Variants in KCND3 observed in about 807,000 individuals in gnomAD.
The protein encoded by KCND3 is potassium voltage-gated channel subfamily D member 3, also known as A-type voltage-gated potassium channel KCND3.
KCND3 carries 9 observed loss-of-function variants against 51.1 expected under a neutral mutation model. The ratio of observed to expected loss-of-function variants is 0.18; its 90% confidence interval spans 0.11 to 0.31. The LOEUF is 0.31. Among genes scored for constraint, KCND3 ranks in the 10% least tolerant of loss-of-function variants. KCND3 has a pLI of 1.00. For synonymous variants in KCND3, 349 were observed against 368.0 expected, an observed-to-expected ratio of 0.95 and a Z score of 0.59; for missense variants, 526 against 903.8, an observed-to-expected ratio of 0.58 and a Z score of 5.36.
intron 1 of KCND3, among the ~76,000 whole-genome samples, chr1:111,985,356 G>T (rs1034056433): frequency 5.3e-5 from 8 of 152,228 alleles, no homozygotes; most frequent in Non-Finnish European, 8.8e-5. Flanking sequence ...ATTGTCTAAA[G>T]GATGTAATAA....
At chr1:111,850,075 G>A (rs545101695) in intron 2 of KCND3, among the ~76,000 whole-genome samples, 50 of 152,156 alleles carry the variant, frequency 3.3e-4, no homozygotes, top group Admixed American at 7.8e-4. Context: ...ACATCTCACC[G>A]CGCTCCTTCC....
At chr1:111,885,759 G>A (rs1293924799) in intron 2 of KCND3, among the ~76,000 whole-genome samples, 2 of 151,830 alleles carry the variant, frequency 1.3e-5, no homozygotes, top group African/African-American at 2.4e-5. Flanking sequence ...TGCAACCTCC[G>A]CCTTCTGGTT....
At chr1:111,839,573 G>A (rs975228599) in intron 2 of KCND3, among the ~76,000 whole-genome samples, 5 of 152,246 alleles carry the variant, frequency 3.3e-5, no homozygotes, top group Non-Finnish European at 7.3e-5. Flanking sequence ...TTAAGGGTTT[G>A]ATAGTCAGAA....
In KCND3 at chr1:111,780,739, T is replaced by C. The variant is rs1355970537; in HGVS notation, c.1322A>G (p.Tyr441Cys). 6.2e-7 allele frequency: 1 copy of C among 1,613,466 alleles called. No individual in the cohort carries two copies. Among genetic ancestry groups the C allele is most frequent in the South Asian group, 1.1e-5 (1 of 90,656 alleles). The stretch of plus-strand genomic sequence containing the variant: ...GAGCCCGTTGCGCTTGCTGTGCAGG[T>C]ATGCATTCGAACTGCCTGTTTTGGC... ...RVAKTGSSNA[Y>C]LHSKRNGLLN... Residue 441 changes from tyrosine to cysteine, a missense_variant, in exon 4 of 8, where the codon TAC (tyrosine) becomes TGC (cysteine). By Grantham distance (194) the Tyr-to-Cys change is radical. Around this residue, in one of 5 missense-constraint regions of KCND3, gnomAD observed 266 missense variants for 305.5 expected, o/e 0.87. Transcript: ENST00000302127. This position sits in a 1 kb window ranked among gnomAD's most constrained non-coding sequence, Gnocchi z 4.2.
At chr1:111,950,981 G>T (rs530840184) in intron 2 of KCND3, among the ~76,000 whole-genome samples, 4 of 152,058 alleles carry the variant, frequency 2.6e-5, no homozygotes, top group African/African-American at 9.6e-5. Flanking sequence ...GACTAGCCTG[G>T]CTAACATGGT....
intron 2 of KCND3, among the ~76,000 whole-genome samples, chr1:111,934,143 C>G (rs1039895138): frequency 6.6e-6 from 1 of 152,106 alleles, no homozygotes; most frequent in Non-Finnish European, 1.5e-5. Flanking sequence ...CACTCCAAGT[C>G]GCCAGGTTGC....
At chr1:111,851,093 A>G (rs1467339437) in intron 2 of KCND3, among the ~76,000 whole-genome samples, 1 of 152,138 alleles carries the variant, frequency 6.6e-6, no homozygotes, top group African/African-American at 2.4e-5. Flanking sequence ...ACAACTCCTA[A>G]TCATCCTTCA....
chr1:111,888,202 GC>G (rs1284856897), intron 2 of KCND3, among the ~76,000 whole-genome samples: 1 of 152,248 alleles, frequency 6.6e-6, no homozygotes, highest in East Asian at 1.9e-4. Flanking sequence ...GCAGAGCATT[GC>G]CCTCCAAGGG....
At chr1:111,841,720 A>C (rs1378525137) in intron 2 of KCND3, among the ~76,000 whole-genome samples, 1 of 152,256 alleles carries the variant, frequency 6.6e-6, no homozygotes, top group African/African-American at 2.4e-5. Context: ...GGCACAGGCC[A>C]TATCAGTTCC....
intron 2 of KCND3, among the ~76,000 whole-genome samples, chr1:111,798,070 T>C (rs1367595729): frequency 6.6e-6 from 1 of 152,182 alleles, no homozygotes; most frequent in Non-Finnish European, 1.5e-5. Context: ...TCTGTTGGGC[T>C]TAGTAACTGA....
At chr1:111,865,060 G>C (rs544179373) in intron 2 of KCND3, among the ~76,000 whole-genome samples, 3 of 152,200 alleles carry the variant, frequency 2.0e-5, no homozygotes, top group Non-Finnish European at 4.4e-5. Flanking sequence ...ATCTTGGTCT[G>C]AAAGTGTCCT....
At chr1:111,810,560 A>G (rs1665801240) in intron 2 of KCND3, among the ~76,000 whole-genome samples, 1 of 152,172 alleles carries the variant, frequency 6.6e-6, no homozygotes, top group African/African-American at 2.4e-5. Context: ...TTCTCTTCTC[A>G]GTGAGAATCT....
At chr1:111,980,852 C>G (rs575870197) in intron 2 of KCND3, among the ~76,000 whole-genome samples, 2 of 152,316 alleles carry the variant, frequency 1.3e-5, no homozygotes, top group East Asian at 3.9e-4. Context: ...ACGGAATTAC[C>G]ATGACCTCAC....
intron 2 of KCND3, among the ~76,000 whole-genome samples, chr1:111,805,474 C>T (rs1419254387): frequency 6.6e-6 from 1 of 152,214 alleles, no homozygotes. Context: ...CCTTCCTGAG[C>T]CCCTCACAGT....
chr1:111,815,025 G>C (rs1261367694), intron 2 of KCND3, among the ~76,000 whole-genome samples: 3 of 152,248 alleles, frequency 2.0e-5, no homozygotes, highest in African/African-American at 7.2e-5. Context: ...CCCTTGCTCT[G>C]TTTAGGCTGC....
chr1:111,956,136 G>A (rs577332312), intron 2 of KCND3, among the ~76,000 whole-genome samples: 21 of 152,246 alleles, frequency 1.4e-4, no homozygotes, highest in Non-Finnish European at 2.8e-4. Flanking sequence ...GATACTAGAG[G>A]AGTTAGGAGA....
At chr1:111,972,414 C>T (rs1674389106) in intron 2 of KCND3, among the ~76,000 whole-genome samples, 1 of 152,048 alleles carries the variant, frequency 6.6e-6, no homozygotes, top group South Asian at 2.1e-4. Context: ...CCTCGTGATC[C>T]GCCCGCCTCG....
rs1664086175 is a variant in KCND3 at position 111,775,987 on chromosome 1, A to AG, written c.*89dup. 6 of 1,356,020 alleles carry AG rather than the reference A, an allele frequency of 4.4e-6. No homozygotes were observed. Among genetic ancestry groups the AG allele is most frequent in the East Asian group, 2.3e-5 (1 of 43,408 alleles). The allele number at this position is 1,356,020 out of a possible 1,614,324, so 84.0% of individuals were successfully genotyped here. ...TGGGGCAGGCAGAAATAGTGGGGAA[A>AG]GGGGGGAGGGAGTGGTCTCAGTGAC... On this transcript the variant is annotated 3_prime_UTR_variant, in exon 8 of 8. Transcript: ENST00000302127.
intron 2 of KCND3, among the ~76,000 whole-genome samples, chr1:111,978,328 T>C (rs926161621): frequency 3.9e-5 from 6 of 152,032 alleles, no homozygotes; most frequent in African/African-American, 9.7e-5. Flanking sequence ...AGACTGGAAA[T>C]AGGAACTCAG....
Sources: allele counts gnomAD v4.1 joint callset (sites outside exome capture counted in the v4.1 genomes callset), GRCh38; gene constraint gnomAD v4.1.1; regional missense constraint gnomAD v4.1.1; non-coding constraint Gnocchi (gnomAD v3.1); transcripts MANE v1.5; gene names NCBI Gene and HGNC (gene_info 2026-07-23, HGNC 2026-07-21).